The following CNTN4 variants were observed in gnomAD, a reference collection of about 807,000 sequenced individuals.
CNTN4 encodes contactin 4, also known as contactin-4.
Under a neutral mutation model 122.5 loss-of-function variants are expected in CNTN4, and 77 were observed. The observed-to-expected ratio is 0.63, with a 90% confidence interval of 0.52 to 0.76. The LOEUF is 0.76. CNTN4 is among the 30% of genes least tolerant of loss of function. The pLI, the probability that CNTN4 is intolerant of heterozygous loss-of-function variation, is 0.00. For missense variants in CNTN4, 1,256 were observed against 1,259.1 expected (o/e 1.00, Z 0.04); for synonymous variants, 512 against 447.0 (o/e 1.15, Z -1.83).
In CNTN4 at chr3:2,709,296, A is replaced by G. The variant is rs867414351; in HGVS notation, c.56-26919A>G. The stretch of plus-strand genomic sequence containing the variant: ...AAAGAGACCTGAATTTATAATTAGT[A>G]CAGTGTGATTCTCAACCTTGGCTGC... On this transcript the variant is annotated intron_variant, in intron 4 of 24. Coordinates refer to ENST00000418658, the MANE Select transcript of CNTN4 (RefSeq NM_175607.3). The surrounding 1 kb of genome is among the most constrained non-coding windows in gnomAD (Gnocchi z 5.0). Among the ~76,000 whole-genome samples, 18 of 152,334 alleles carry G rather than the reference A, an allele frequency of 1.2e-4. No individual in the cohort carries two copies. The highest frequency in any genetic ancestry group is 4.6e-4 in the Admixed American group (7 of 15,298).
At chr3:2,380,638 T>C (rs1358097625) in intron 3 of CNTN4, among the ~76,000 whole-genome samples, 1 of 152,124 alleles carries the variant, frequency 6.6e-6, no homozygotes, top group Non-Finnish European at 1.5e-5. Context: ...TTTACTACAT[T>C]GACTATTGCC....
At chr3:2,642,018 A>G (rs952545441) in intron 4 of CNTN4, among the ~76,000 whole-genome samples, 1 of 152,238 alleles carries the variant, frequency 6.6e-6, no homozygotes, top group Non-Finnish European at 1.5e-5. Context: ...CTAATAGGAT[A>G]GATGTGTGTA....
intron 3 of CNTN4, among the ~76,000 whole-genome samples, chr3:2,377,847 G>A (rs946381828): frequency 3.3e-5 from 5 of 151,292 alleles, no homozygotes; most frequent in South Asian, 2.1e-4. Context: ...ATTCCTCTTC[G>A]TCCAGTGCGA....
intron 3 of CNTN4, among the ~76,000 whole-genome samples, chr3:2,381,452 T>C (rs1326056637): frequency 6.6e-6 from 1 of 152,236 alleles, no homozygotes; most frequent in African/African-American, 2.4e-5. Flanking sequence ...TTAGGTCTCT[T>C]ACTTAGCTAT....
intron 3 of CNTN4, among the ~76,000 whole-genome samples, chr3:2,457,829 G>A (rs1391958053): frequency 6.6e-6 from 1 of 152,090 alleles, no homozygotes; most frequent in African/African-American, 2.4e-5. Context: ...TACATCCCAA[G>A]TGTGAGATCC....
chr3:2,980,298 T>C (rs181995293), intron 13 of CNTN4, among the ~76,000 whole-genome samples: 176 of 152,338 alleles, frequency 1.2e-3, no homozygotes, highest in Middle Eastern at 3.4e-3. Context: ...GTATTTGTAC[T>C]ACTTGCTGCT....
At chr3:2,783,696 A>G (rs931774701) in intron 6 of CNTN4, among the ~76,000 whole-genome samples, 6 of 152,244 alleles carry the variant, frequency 3.9e-5, no homozygotes, top group Non-Finnish European at 4.4e-5. Context: ...AACAAATTTC[A>G]TGTCTCTCAT....
At chr3:2,944,551 A>G (rs1034357729) in intron 13 of CNTN4, among the ~76,000 whole-genome samples, 56 of 152,308 alleles carry the variant, frequency 3.7e-4, no homozygotes, top group African/African-American at 1.3e-3. Flanking sequence ...CTCTCCTTGA[A>G]TACTAGACTC....
Position 2,865,514 on chromosome 3 carries a change from A to C in CNTN4, c.455-1238A>C, listed in dbSNP as rs144034685. ...TCATATGAAAAAGTGACATATAAGA[A>C]CTCAGTCAACTAGTTCTGAAACCAG... On this transcript the variant is annotated intron_variant, in intron 7 of 24. Coordinates refer to ENST00000418658, the MANE Select transcript of CNTN4 (RefSeq NM_175607.3). Among the ~76,000 whole-genome samples the C allele has an allele frequency of 3.2e-4, 48 of 152,196 alleles. 1 individual carries two copies. The East Asian group carries it at 8.9e-3, about 28-fold the overall frequency.
intron 3 of CNTN4, among the ~76,000 whole-genome samples, chr3:2,521,342 A>ACCCCCCCCC (rs2077206076): frequency 1.4e-5 from 1 of 69,618 alleles, no homozygotes; most frequent in African/African-American, 6.6e-5. Context: ...ACCTCTACCC[A>ACCCCCCCCC]TCCCCCCCAC....
intron 2 of CNTN4, among the ~76,000 whole-genome samples, chr3:2,252,456 T>A (rs1165921966): frequency 6.6e-6 from 1 of 152,084 alleles, no homozygotes; most frequent in African/African-American, 2.4e-5. Context: ...GACTTAGTCT[T>A]CTCTGTCACT....
intron 3 of CNTN4, among the ~76,000 whole-genome samples, chr3:2,398,772 A>G (rs1423711589): frequency 6.6e-6 from 1 of 152,168 alleles, no homozygotes; most frequent in African/African-American, 2.4e-5. Context: ...CTTGGAAATG[A>G]TCACTGATCT....
intron 2 of CNTN4, among the ~76,000 whole-genome samples, chr3:2,317,301 C>T (rs555597869): frequency 1.8e-4 from 28 of 152,162 alleles, no homozygotes; most frequent in Non-Finnish European, 3.7e-4. Flanking sequence ...TCATTTAACT[C>T]AATCTCATTA....
intron 2 of CNTN4, among the ~76,000 whole-genome samples, chr3:2,191,709 T>TACACAC (rs370552144): frequency 0.24 from 35,994 of 150,506 alleles, 4,503 homozygotes; most frequent in African/African-American, 0.3. Context: ...TATATATATA[T>TACACAC]ACACACACAC....
At chr3:2,736,999 A>G (rs6790416) in intron 5 of CNTN4, among the ~76,000 whole-genome samples, 30,334 of 151,200 alleles carry the variant, frequency 0.2, 3,309 homozygotes, top group East Asian at 0.3. Context: ...GACCAGGCTG[A>G]TCTTGAATTC....
chr3:2,751,201 G>A (rs1197067673), intron 6 of CNTN4, among the ~76,000 whole-genome samples: 6 of 152,006 alleles, frequency 3.9e-5, no homozygotes, highest in Admixed American at 2.0e-4. Flanking sequence ...CCAGCTACTC[G>A]GGAGGCTGAG....
chr3:3,018,744 G>A (rs1698002414), intron 14 of CNTN4, among the ~76,000 whole-genome samples: 1 of 152,114 alleles, frequency 6.6e-6, no homozygotes, highest in Non-Finnish European at 1.5e-5. Context: ...TAGGATCAAT[G>A]ACCCTCAGTA....
At chr3:2,970,390 C>T (rs567647861) in intron 13 of CNTN4, among the ~76,000 whole-genome samples, 14 of 152,196 alleles carry the variant, frequency 9.2e-5, no homozygotes, top group South Asian at 8.3e-4. Flanking sequence ...AGCCACTGCA[C>T]GTGGACTAAT....
chr3:2,468,630 T>A (rs1426027167), intron 3 of CNTN4, among the ~76,000 whole-genome samples: 2 of 152,202 alleles, frequency 1.3e-5, no homozygotes, highest in African/African-American at 2.4e-5. Flanking sequence ...CAGTTTTTAA[T>A]TGGAGGCCTG....
Sources: allele counts gnomAD v4.1 joint callset (sites outside exome capture counted in the v4.1 genomes callset), GRCh38; gene constraint gnomAD v4.1.1; non-coding constraint Gnocchi (gnomAD v3.1); transcripts MANE v1.5; gene names NCBI Gene and HGNC (gene_info 2026-07-23, HGNC 2026-07-21).